The following GPC5 variants were observed in gnomAD, a reference collection of about 807,000 sequenced individuals.
GPC5 encodes glypican-5.
GPC5 carries 47 observed loss-of-function variants against 53.9 expected under a neutral mutation model. That is an observed-to-expected ratio of 0.87 (90% confidence interval 0.69 to 1.11). GPC5 has a LOEUF of 1.11. Among genes scored for constraint, GPC5 ranks in the 50% most tolerant of loss-of-function variants. The pLI is 0.00. For synonymous variants in GPC5, 286 were observed against 263.3 expected (o/e 1.09, Z -0.84); for missense variants, 748 against 713.1 (o/e 1.05, Z -0.56).
chr13:91,625,742 T>A (rs2033981927), intron 2 of GPC5, among the ~76,000 whole-genome samples: 1 of 152,060 alleles, frequency 6.6e-6, no homozygotes, highest in Non-Finnish European at 1.5e-5. Flanking sequence ...TTAGGGAGAA[T>A]GAATTGGAGA....
intron 7 of GPC5, among the ~76,000 whole-genome samples, chr13:92,627,059 A>T (rs928327809): frequency 6.6e-6 from 1 of 152,178 alleles, no homozygotes; most frequent in Non-Finnish European, 1.5e-5. Flanking sequence ...TTCTTAAAAC[A>T]TCTTCCTCTC....
At chr13:91,572,356 C>T (rs993315012) in intron 2 of GPC5, among the ~76,000 whole-genome samples, 1 of 151,358 alleles carries the variant, frequency 6.6e-6, no homozygotes, top group South Asian at 2.1e-4. Context: ...TGTATCTGTT[C>T]GTTTTGTGTT....
chr13:92,182,098 A>T (rs2042151172), intron 7 of GPC5, among the ~76,000 whole-genome samples: 3 of 151,904 alleles, frequency 2.0e-5, no homozygotes, highest in Non-Finnish European at 2.9e-5. Flanking sequence ...TTATTTATTT[A>T]TTTTTTTTGC....
intron 7 of GPC5, among the ~76,000 whole-genome samples, chr13:92,417,569 C>T (rs569861573): frequency 1.3e-4 from 20 of 152,180 alleles, no homozygotes; most frequent in African/African-American, 4.8e-4. Flanking sequence ...TTCATAATTG[C>T]TAAATGAGTA....
At chr13:92,613,853 T>C (rs9561094) in intron 7 of GPC5, among the ~76,000 whole-genome samples, 116,379 of 150,492 alleles carry the variant, frequency 0.77, 48,308 homozygotes, top group South Asian at 0.93. Flanking sequence ...TGAAATCCTG[T>C]CTCTAAAAAA....
chr13:92,812,674 A>G (rs1034791610), intron 7 of GPC5, among the ~76,000 whole-genome samples: 3 of 151,812 alleles, frequency 2.0e-5, no homozygotes, highest in Admixed American at 2.0e-4. Flanking sequence ...GTAAAACTCT[A>G]TTTTCAGATA....
chr13:91,700,516 A>G (rs993235643), intron 3 of GPC5, among the ~76,000 whole-genome samples: 2 of 152,208 alleles, frequency 1.3e-5, no homozygotes, highest in African/African-American at 2.4e-5. Context: ...AGAGTGGTCC[A>G]TCACGTTTGT....
At chr13:92,305,801 C>T (rs114816739) in intron 7 of GPC5, among the ~76,000 whole-genome samples, 55 of 152,158 alleles carry the variant, frequency 3.6e-4, no homozygotes, top group African/African-American at 1.3e-3. Context: ...CTACAAAGTC[C>T]ACGATTTCTT....
At chr13:91,818,449 G>C (rs2038434298) in intron 5 of GPC5, among the ~76,000 whole-genome samples, 1 of 152,092 alleles carries the variant, frequency 6.6e-6, no homozygotes, top group Admixed American at 6.6e-5. Context: ...ACATAAATGT[G>C]ATCATAGCTA....
At chr13:91,474,154 T>C (rs2139189774) in intron 2 of GPC5, among the ~76,000 whole-genome samples, 1 of 152,302 alleles carries the variant, frequency 6.6e-6, no homozygotes, top group South Asian at 2.1e-4. Flanking sequence ...GAAAAATTTA[T>C]ATAATGTCAT....
intron 7 of GPC5, among the ~76,000 whole-genome samples, chr13:92,754,816 C>G (rs1198236041): frequency 6.8e-6 from 1 of 147,528 alleles, no homozygotes; most frequent in Admixed American, 6.9e-5. Context: ...ACAGGAGCAC[C>G]CAGATTCATA....
intron 7 of GPC5, among the ~76,000 whole-genome samples, chr13:92,748,125 G>T (rs781535503): frequency 1.3e-5 from 2 of 151,876 alleles, no homozygotes; most frequent in Admixed American, 1.3e-4. Context: ...AAGACTACAA[G>T]AAACAGGTCT....
chr13:92,291,796 C>T (rs2042998339), intron 7 of GPC5, among the ~76,000 whole-genome samples: 1 of 152,174 alleles, frequency 6.6e-6, no homozygotes, highest in Admixed American at 6.5e-5. Flanking sequence ...AGCGAGACCA[C>T]AAACCCACCG....
chr13:92,697,566 GTTGT>G (rs1407941731), intron 7 of GPC5, among the ~76,000 whole-genome samples: 1 of 152,186 alleles, frequency 6.6e-6, no homozygotes, highest in Non-Finnish European at 1.5e-5. Flanking sequence ...CTTTGCTGAA[GTTGT>G]TTATCAGCTT....
At chr13:91,900,170 G>A (rs922176299) in intron 5 of GPC5, among the ~76,000 whole-genome samples, 1 of 151,930 alleles carries the variant, frequency 6.6e-6, no homozygotes, top group Non-Finnish European at 1.5e-5. Flanking sequence ...ATACAAAAAA[G>A]CTATATAAGA....
At chr13:92,793,104 C>T (rs1008655665) in intron 7 of GPC5, among the ~76,000 whole-genome samples, 1 of 151,854 alleles carries the variant, frequency 6.6e-6, no homozygotes, top group Non-Finnish European at 1.5e-5. Context: ...ACCACACCGC[C>T]CTTATTCCAA....
chr13:92,122,456 G>C lies in GPC5; in HGVS notation c.1402-22374G>C, dbSNP rs141009505. Among the ~76,000 whole-genome samples, 747 of 151,778 alleles carry C rather than the reference G, an allele frequency of 4.9e-3. 4 individuals carry two copies. The highest frequency in any genetic ancestry group is 0.017 in the African/African-American group (710 of 41,360). On this transcript the variant is annotated intron_variant, in intron 6 of 7. Coordinates refer to ENST00000377067, the MANE Select transcript of GPC5 (RefSeq NM_004466.6). ...ATTACGCTTCTGCTTGCTTCAGCCT[G>C]CTGGTGCTTAATTAGGTGCTTATCC... is the stretch of plus-strand genomic sequence containing the variant.
intron 6 of GPC5, among the ~76,000 whole-genome samples, chr13:91,963,158 G>T (rs1041162594): frequency 6.6e-6 from 1 of 152,050 alleles, no homozygotes; most frequent in African/African-American, 2.4e-5. Context: ...GTACCTATTA[G>T]GTACAGGTAT....
intron 7 of GPC5, among the ~76,000 whole-genome samples, chr13:92,356,795 A>C (rs1487765813): frequency 6.6e-6 from 1 of 152,132 alleles, no homozygotes; most frequent in Non-Finnish European, 1.5e-5. Flanking sequence ...TTGTTGTATA[A>C]ATTATTTAAT....
Sources: allele counts gnomAD v4.1 joint callset (sites outside exome capture counted in the v4.1 genomes callset), GRCh38; gene constraint gnomAD v4.1.1; transcripts MANE v1.5; gene names NCBI Gene and HGNC (gene_info 2026-07-23, HGNC 2026-07-21).